Variants in PTPN13 observed in about 807,000 individuals in gnomAD.
PTPN13 encodes tyrosine-protein phosphatase non-receptor type 13.
In PTPN13, 191 loss-of-function variants were observed where a neutral mutation model predicts 284.0. That is an observed-to-expected ratio of 0.67 (90% CI 0.60 to 0.76). PTPN13 has a LOEUF of 0.76. Ranked by LOEUF, PTPN13 falls within the 30% of genes least tolerant of loss-of-function variation. The pLI, the probability that PTPN13 is intolerant of heterozygous loss-of-function variation, is 0.00. For missense variants in PTPN13, 2,797 were observed against 2,939.9 expected (o/e 0.95, Z 1.12); for synonymous variants, 986 against 1,022.3 (o/e 0.96, Z 0.68).
chr4:86,716,775 A>C, intron 8 of PTPN13, 150 bp downstream of exon 8: 1 of 678,786 alleles, frequency 1.5e-6, no homozygotes. Context: ...ACTCAGTAGT[A>C]GTATTATAGA....
intron 31 of PTPN13, among the ~76,000 whole-genome samples, chr4:86,772,038 A>G (rs1468569033): frequency 1.3e-5 from 2 of 152,216 alleles, no homozygotes; most frequent in African/African-American, 4.8e-5. Context: ...CTTTGTATCT[A>G]TCCACATCCA....
intron 47 of PTPN13, among the ~76,000 whole-genome samples, chr4:86,812,110 A>G (rs1207734722): frequency 6.6e-6 from 1 of 151,934 alleles, no homozygotes; most frequent in Non-Finnish European, 1.5e-5. Flanking sequence ...GGAGATCGAG[A>G]CCATCCCGGC....
chr4:86,799,986 C>A (rs144609331), intron 42 of PTPN13, among the ~76,000 whole-genome samples: 1 of 150,904 alleles, frequency 6.6e-6, no homozygotes, highest in African/African-American at 2.4e-5. Flanking sequence ...TACAAGTGTG[C>A]GCCACCATGC....
chr4:86,648,816 A>C (rs1200415493), intron 2 of PTPN13, among the ~76,000 whole-genome samples: 2 of 152,202 alleles, frequency 1.3e-5, no homozygotes, highest in Non-Finnish European at 2.9e-5. Context: ...ACTATTCTCC[A>C]TAGTGGCTGT....
chr4:86,785,520 T>A (rs561263374), intron 39 of PTPN13, among the ~76,000 whole-genome samples, 152 bp downstream of exon 39: 2 of 152,286 alleles, frequency 1.3e-5, no homozygotes, highest in East Asian at 3.9e-4. Flanking sequence ...TGTTATCTCC[T>A]ATTTTTTTTA....
At chr4:86,708,936 C>G (rs1732066893) in intron 7 of PTPN13, among the ~76,000 whole-genome samples, 1 of 151,452 alleles carries the variant, frequency 6.6e-6, no homozygotes, top group Non-Finnish European at 1.5e-5. Context: ...CTCCCTGTCT[C>G]CCTCCCTCCC....
intron 1 of PTPN13, among the ~76,000 whole-genome samples, chr4:86,609,910 G>T (rs1765113345): frequency 6.6e-6 from 1 of 152,138 alleles, no homozygotes; most frequent in African/African-American, 2.4e-5. Context: ...AAAGAAGCTA[G>T]ATACATAGAA....
At chr4:86,761,171 A>ATATATATAC (rs1166814661) in intron 23 of PTPN13, among the ~76,000 whole-genome samples, 1 of 85,956 alleles carries the variant, frequency 1.2e-5, no homozygotes, top group African/African-American at 4.1e-5. Flanking sequence ...TATATATATA[A>ATATATATAC]ACACAACACA....
chr4:86,629,288 G>A (rs1722197581), intron 1 of PTPN13, among the ~76,000 whole-genome samples: 1 of 147,422 alleles, frequency 6.8e-6, no homozygotes, highest in African/African-American at 2.5e-5. Context: ...GTGGGCGAAG[G>A]ACATGAACAG....
intron 1 of PTPN13, among the ~76,000 whole-genome samples, chr4:86,628,303 T>G (rs1722060503): frequency 6.6e-6 from 1 of 152,106 alleles, no homozygotes; most frequent in Admixed American, 6.6e-5. Flanking sequence ...ATTGTTTTAT[T>G]TTTATTTTCC....
chr4:86,804,540 A>G (rs1744450418), intron 43 of PTPN13, among the ~76,000 whole-genome samples: 3 of 152,222 alleles, frequency 2.0e-5, no homozygotes, highest in Non-Finnish European at 1.5e-5. Context: ...TCGCCATGCT[A>G]TGGAATGATT....
chr4:86,736,213 A>T (rs749278260), intron 15 of PTPN13, among the ~76,000 whole-genome samples: 1 of 152,220 alleles, frequency 6.6e-6, no homozygotes, highest in Non-Finnish European at 1.5e-5. Context: ...GTAGAGAGTC[A>T]CAAAAATTGA....
intron 3 of PTPN13, among the ~76,000 whole-genome samples, chr4:86,675,405 A>G (rs1440838750): frequency 6.6e-6 from 1 of 152,198 alleles, no homozygotes; most frequent in Non-Finnish European, 1.5e-5. Flanking sequence ...TGGTTTTAAA[A>G]TGGCAAGGGC....
chr4:86,732,944 T>C (rs1735104357), intron 12 of PTPN13, among the ~76,000 whole-genome samples, 178 bp downstream of exon 12: 2 of 152,158 alleles, frequency 1.3e-5, no homozygotes, highest in Admixed American at 1.3e-4. Context: ...TTAATAGTTA[T>C]GTTTGTTAGG....
intron 2 of PTPN13, chr4:86,661,123 G>A (rs1726437154): frequency 2.2e-6 from 1 of 453,578 alleles, no homozygotes; most frequent in East Asian, 7.1e-5. Context: ...GCACCTAGAA[G>A]TCTCCCTCAT....
chr4:86,604,911 GTAAAATAATGAT>G (rs1359511688), intron 1 of PTPN13, among the ~76,000 whole-genome samples: 1 of 151,960 alleles, frequency 6.6e-6, no homozygotes, highest in Non-Finnish European at 1.5e-5. Flanking sequence ...ATTATATATT[GTAAAATAATGAT>G]TAACTGCAAT....
intron 2 of PTPN13, among the ~76,000 whole-genome samples, chr4:86,658,001 G>A (rs1437293195): frequency 6.6e-6 from 1 of 152,162 alleles, no homozygotes; most frequent in Non-Finnish European, 1.5e-5. Flanking sequence ...TGAGACTAGT[G>A]CAGCACCAGC....
chr4:86,735,821 C>T, intron 15 of PTPN13, 75 bp downstream of exon 15: 1 of 1,369,548 alleles, frequency 7.3e-7, no homozygotes, highest in Non-Finnish European at 9.9e-7. Flanking sequence ...GGACACATAT[C>T]TAAGAGTTCA....
At chr4:86,655,375 G>A (rs1725656361) in intron 2 of PTPN13, among the ~76,000 whole-genome samples, 1 of 152,116 alleles carries the variant, frequency 6.6e-6, no homozygotes, top group Admixed American at 6.5e-5. Flanking sequence ...TGCAGTGGCT[G>A]GTACCGGTTG....
Sources: allele counts gnomAD v4.1 joint callset (sites outside exome capture counted in the v4.1 genomes callset), GRCh38; gene constraint gnomAD v4.1.1; transcripts MANE v1.5; gene names NCBI Gene and HGNC (gene_info 2026-07-23, HGNC 2026-07-21).